The following GUCY1A1 variants were observed in gnomAD, a reference collection of about 807,000 sequenced individuals.
GUCY1A1 encodes guanylate cyclase 1 soluble subunit alpha 1.
GUCY1A1 carries 48 observed loss-of-function variants against 64.5 expected under a neutral mutation model. The observed-to-expected ratio is 0.74, with a 90% CI of 0.59 to 0.95. GUCY1A1 has a LOEUF of 0.95. Among genes scored for constraint, GUCY1A1 ranks in the 40% least tolerant of loss-of-function variants. The probability of loss-of-function intolerance (pLI) is 0.00; values close to 1 mark genes in which losing one functional copy is unlikely to be tolerated. For synonymous variants in GUCY1A1, 308 were observed against 303.4 expected, an observed-to-expected ratio of 1.02 and a Z score of -0.16; for missense variants, 804 against 825.3, an observed-to-expected ratio of 0.97 and a Z score of 0.32.
intron 8 of GUCY1A1, 33 bp downstream of exon 8, chr4:155,717,335 C>T (rs1338618266): frequency 6.8e-7 from 1 of 1,478,806 alleles, no homozygotes; most frequent in Admixed American, 2.1e-5. Context: ...CAAAAGATGT[C>T]ACAAGAGCAA....
intron 4 of GUCY1A1, among the ~76,000 whole-genome samples, chr4:155,704,587 G>T (rs1406694824): frequency 6.6e-6 from 1 of 152,194 alleles, no homozygotes; most frequent in African/African-American, 2.4e-5. Flanking sequence ...CCTTAGGGAA[G>T]TGTTTCTGTA....
At chr4:155,712,911 T>C (rs1732760533) in intron 6 of GUCY1A1, among the ~76,000 whole-genome samples, 187 bp from the exon 7 acceptor site, 3 of 152,224 alleles carry the variant, frequency 2.0e-5, no homozygotes, top group Non-Finnish European at 2.9e-5. Context: ...TATACTCTAA[T>C]ATACTCTTCA....
chr4:155,695,003 C>T (rs1341952783), intron 2 of GUCY1A1, among the ~76,000 whole-genome samples: 1 of 152,204 alleles, frequency 6.6e-6, no homozygotes, highest in Admixed American at 6.5e-5. Flanking sequence ...TAGACCGCTT[C>T]CATTCTGTTC....
In GUCY1A1 at chr4:155,731,209, C is replaced by T. The variant is rs1735504432; in HGVS notation, c.*978C>T. Reference sequence around the variant, plus strand: ...AATATGGACCCACTTCAGCAGACATCTTCTATTGCCATGCTGAGCTGTTTA... The same window carrying T: ...AATATGGACCCACTTCAGCAGACATTTTCTATTGCCATGCTGAGCTGTTTA... On this transcript the variant is annotated 3_prime_UTR_variant, in exon 10 of 10. Transcript: ENST00000506455. 1 of 151,900 alleles carries T rather than the reference C, an allele frequency of 6.6e-6. No individual in the cohort carries two copies. The highest frequency in any genetic ancestry group is 1.5e-5 in the Non-Finnish European group (1 of 67,876). 9.4% of individuals were successfully genotyped at this position (151,900 alleles called of 1,614,324 possible).
chr4:155,679,521 G>A (rs75269357), intron 2 of GUCY1A1, among the ~76,000 whole-genome samples: 3,344 of 152,220 alleles, frequency 0.022, 114 homozygotes, highest in African/African-American at 0.076. Context: ...GGGAGAGAGA[G>A]AGGAGACACC....
At chr4:155,704,123 A>G in intron 4 of GUCY1A1, 130 bp downstream of exon 4, 6 of 551,740 alleles carry the variant, frequency 1.1e-5, no homozygotes, top group Non-Finnish European at 2.0e-5. Context: ...TGGACTTAGT[A>G]CTTTAGCTGA....
In GUCY1A1 at chr4:155,722,168, T is replaced by C; in HGVS notation, c.1847T>C (p.Ile616Thr). The C allele has an allele frequency of 6.2e-7, 1 of 1,612,944 alleles. No individual in the cohort carries two copies. The highest frequency in any genetic ancestry group is 8.5e-7 in the Non-Finnish European group (1 of 1,179,244). Residue 616 changes from isoleucine (I) to threonine (T), a missense_variant, in exon 9 of 10, where the codon ATC becomes ACC. Transcript: ENST00000506455. ...GAGTCCTGCAGTGTACCACGAAAAA[T>C]CAATGTCAGCCCAACAACTTACAGG... is the stretch of plus-strand genomic sequence containing the variant. ...KFESCSVPRKINVSPTTYRLL... is the reference protein window; with the variant it reads ...KFESCSVPRKTNVSPTTYRLL...
rs1460264617 is a variant in GUCY1A1 at position 155,724,401 on chromosome 4, T to C, written c.1871+2209T>C. 3.3e-5 allele frequency among the ~76,000 whole-genome samples: 5 copies of C among 152,108 alleles called. No homozygotes were observed. The East Asian group carries it at 9.7e-4, about 29-fold the overall frequency. On this transcript the variant is annotated intron_variant, in intron 9 of 9. Transcript: ENST00000506455. ...TTTATAGCAAAACTGAAAGAAGTTGTCTATACTCACTATCTGTATTTTTTC... is the reference window on the plus strand; with the variant it reads ...TTTATAGCAAAACTGAAAGAAGTTGCCTATACTCACTATCTGTATTTTTTC...
At chr4:155,727,055 G>A (rs34559977) in intron 9 of GUCY1A1, among the ~76,000 whole-genome samples, 5,769 of 152,052 alleles carry the variant, frequency 0.038, 140 homozygotes, top group Middle Eastern at 0.075. Context: ...ATTGACTTCT[G>A]TAAGAAGAAG....
At chr4:155,729,376 C>A (rs1326390173) in intron 9 of GUCY1A1, among the ~76,000 whole-genome samples, 1 of 151,622 alleles carries the variant, frequency 6.6e-6, no homozygotes, top group Non-Finnish European at 1.5e-5. Context: ...GCATAATGAA[C>A]AAGTAGTAAA....
intron 7 of GUCY1A1, 26 bp downstream of exon 7, chr4:155,713,609 G>C (rs771908363): frequency 2.2e-5 from 36 of 1,600,522 alleles, no homozygotes; most frequent in Admixed American, 1.2e-4. Flanking sequence ...GGAAATAATT[G>C]TTTTACCAGC....
At position 155,717,279 on chromosome 4, in the gene GUCY1A1, T is replaced by C; in HGVS notation, c.1693T>C (p.Ser565Pro). 6.3e-7 allele frequency: 1 copy of C among 1,594,880 alleles called. No individual in the cohort carries two copies. The highest frequency in any genetic ancestry group is 2.3e-5 in the East Asian group (1 of 44,292). Residue 565 changes from serine to proline, a missense_variant, in exon 8 of 10, where the codon TCT (serine) becomes CCT (proline). Coordinates refer to ENST00000506455, the MANE Select transcript of GUCY1A1 (RefSeq NM_001130682.3). ...KMMELSDEVM[S>P]PHGEPIKMRI... is the part of the protein sequence containing the mutation. ...GATGGAGCTCTCTGATGAAGTTATGTCTCCCCATGGAGAACCTATCAAGGT... is the reference window on the plus strand; with the variant it reads ...GATGGAGCTCTCTGATGAAGTTATGCCTCCCCATGGAGAACCTATCAAGGT...
chr4:155,688,870 C>A (rs1729362567), intron 2 of GUCY1A1, among the ~76,000 whole-genome samples: 1 of 151,918 alleles, frequency 6.6e-6, no homozygotes, highest in Non-Finnish European at 1.5e-5. Context: ...AATACTGCAC[C>A]TCAGCAATTG....
At position 155,693,302 on chromosome 4, in the gene GUCY1A1, GA is replaced by G. The variant is rs533180133; in HGVS notation, c.-112-3452del. ...GAGAAGTACCTCTTCAAGTTTCTGA[GA>G]ACATATTATTCCACTTCTTGCCAAG... is the stretch of plus-strand genomic sequence containing the variant. On this transcript the variant is annotated intron_variant, in intron 2 of 9. Coordinates refer to ENST00000506455, the MANE Select transcript of GUCY1A1 (RefSeq NM_001130682.3). 4.3e-4 allele frequency among the ~76,000 whole-genome samples: 66 copies of G among 152,214 alleles called. 1 individual carries two copies. The highest frequency in any genetic ancestry group is 1.5e-3 in the African/African-American group (64 of 41,542).
At chr4:155,679,045 C>A (rs2625276) in intron 2 of GUCY1A1, among the ~76,000 whole-genome samples, 1 of 151,880 alleles carries the variant, frequency 6.6e-6, no homozygotes, top group Non-Finnish European at 1.5e-5. Flanking sequence ...AATTAAACTC[C>A]CTTGCTGTTG....
intron 2 of GUCY1A1, among the ~76,000 whole-genome samples, chr4:155,684,700 T>G (rs1728745993): frequency 6.6e-6 from 1 of 152,186 alleles, no homozygotes; most frequent in East Asian, 1.9e-4. Context: ...TCCCTTGGCT[T>G]TGTTGTAAAG....
rs767845613 is a variant in GUCY1A1, at chr4:155,730,308, G to T, written c.*77G>T. The T allele has an allele frequency of 4.9e-5, 40 of 822,246 alleles. No individual in the cohort carries two copies. Among genetic ancestry groups the T allele is most frequent in the Non-Finnish European group, 7.1e-5 (35 of 496,038 alleles). 50.9% of individuals were successfully genotyped at this position (822,246 alleles called of 1,614,324 possible). On this transcript the variant is annotated 3_prime_UTR_variant, in exon 10 of 10. Coordinates refer to ENST00000506455, the MANE Select transcript of GUCY1A1 (RefSeq NM_001130682.3). Reference sequence around the variant, plus strand: ...GTAGAGCCTCTGAAAGCACTTTAGGGATTGTAGATGGCTAACAAGCAGTAT... The same window carrying T: ...GTAGAGCCTCTGAAAGCACTTTAGGTATTGTAGATGGCTAACAAGCAGTAT...
chr4:155,723,754 C>T (rs1407198999), intron 9 of GUCY1A1, among the ~76,000 whole-genome samples: 1 of 151,970 alleles, frequency 6.6e-6, no homozygotes, highest in Non-Finnish European at 1.5e-5. Flanking sequence ...GCTCTGCCTC[C>T]CAGTTTCAAG....
In GUCY1A1 at chr4:155,713,143, G is replaced by T; in HGVS notation, c.1132G>T (p.Ala378Ser). The change falls in exon 7 of 10, where the codon GCA becomes TCA. Residue 378 changes from alanine to serine, a missense_variant. Transcript: ENST00000506455. Reference protein sequence around the residue: ...GQMIYIVESSAILFLGSPCVD... With the variant: ...GQMIYIVESSSILFLGSPCVD... ...AATGATCTACATTGTTGAATCCAGT[G>T]CAATCTTGTTTTTGGGGTCACCCTG... The T allele has an allele frequency of 6.2e-7, 1 of 1,613,410 alleles. No individual in the cohort carries two copies. Among genetic ancestry groups the T allele is most frequent in the Non-Finnish European group, 8.5e-7 (1 of 1,179,378 alleles).
Sources: allele counts gnomAD v4.1 joint callset (sites outside exome capture counted in the v4.1 genomes callset), GRCh38; gene constraint gnomAD v4.1.1; transcripts MANE v1.5; gene names NCBI Gene and HGNC (gene_info 2026-07-23, HGNC 2026-07-21).